HS3ST4: variants seen among roughly 807,000 people sequenced by gnomAD.
The protein encoded by HS3ST4 is heparan sulfate glucosamine 3-O-sulfotransferase 4.
In HS3ST4, 17 loss-of-function variants were observed where a neutral mutation model predicts 29.2. The ratio of observed to expected loss-of-function variants is 0.58; its 90% CI spans 0.40 to 0.87. HS3ST4 has a LOEUF of 0.87. Ranked by LOEUF, HS3ST4 falls within the 40% of genes least tolerant of loss-of-function variation. The pLI, the probability that HS3ST4 is intolerant of heterozygous loss-of-function variation, is 0.00. For missense variants in HS3ST4, 627 were observed against 634.5 expected, an observed-to-expected ratio of 0.99 and a Z score of 0.13; for synonymous variants, 314 against 285.7, an observed-to-expected ratio of 1.10 and a Z score of -1.00.
chr16:25,972,554 A>C (rs757159264), intron 1 of HS3ST4, among the ~76,000 whole-genome samples: 1 of 152,224 alleles, frequency 6.6e-6, no homozygotes, highest in Non-Finnish European at 1.5e-5. Context: ...GTCTTTCCAC[A>C]TGAATATCTG....
intron 1 of HS3ST4, among the ~76,000 whole-genome samples, chr16:25,917,562 G>C (rs1404262084): frequency 6.6e-6 from 1 of 152,180 alleles, no homozygotes; most frequent in African/African-American, 2.4e-5. Context: ...GAAGCCTTAG[G>C]TGGACTATGT....
chr16:25,718,728 A>G (rs1375494570), intron 1 of HS3ST4, among the ~76,000 whole-genome samples: 1 of 152,202 alleles, frequency 6.6e-6, no homozygotes, highest in Non-Finnish European at 1.5e-5. Context: ...ATGTATAGAT[A>G]TCAGATAGGC....
intron 1 of HS3ST4, among the ~76,000 whole-genome samples, chr16:26,045,203 A>T (rs538517181): frequency 4.1e-4 from 63 of 152,250 alleles, no homozygotes; most frequent in African/African-American, 1.4e-3. Flanking sequence ...GTTACAAGAG[A>T]TGAAAAAGAA....
chr16:26,031,764 C>A lies in HS3ST4; in HGVS notation c.735-103848C>A, dbSNP rs1303685971. Among the ~76,000 whole-genome samples, 5 of 147,650 alleles carry A rather than the reference C, an allele frequency of 3.4e-5. No homozygotes were observed. In the Admixed American group the frequency reaches 3.4e-4, roughly 10 times the overall value. On this transcript the variant is annotated intron_variant, in intron 1 of 1. Coordinates refer to ENST00000331351, the MANE Select transcript of HS3ST4 (RefSeq NM_006040.3). The stretch of plus-strand genomic sequence containing the variant: ...CTTTATTAAAGATACTTTCCATAAA[C>A]AATCATGGTATTTCAGGCAGGACAT...
intron 1 of HS3ST4, among the ~76,000 whole-genome samples, chr16:25,762,669 T>A: frequency 6.6e-6 from 1 of 151,342 alleles, no homozygotes; most frequent in Non-Finnish European, 1.5e-5. Context: ...GAGGTTGAGA[T>A]CAGCCTGGGC....
intron 1 of HS3ST4, among the ~76,000 whole-genome samples, chr16:25,841,918 A>G (rs1967417250): frequency 6.6e-6 from 1 of 152,264 alleles, no homozygotes; most frequent in Admixed American, 6.5e-5. Flanking sequence ...ATAGAGGCTT[A>G]TAATCAGTAC....
intron 1 of HS3ST4, among the ~76,000 whole-genome samples, chr16:26,133,843 A>G (rs1189896162): frequency 6.6e-6 from 1 of 152,230 alleles, no homozygotes; most frequent in East Asian, 1.9e-4. Context: ...TGTCATCATA[A>G]CAAAGAGGTC....
chr16:25,936,392 C>T (rs1289121642), intron 1 of HS3ST4, among the ~76,000 whole-genome samples: 5 of 152,124 alleles, frequency 3.3e-5, no homozygotes, highest in East Asian at 1.9e-4. Flanking sequence ...CAAGTTAAAG[C>T]GCTAGAGAGA....
rs151066558 is a variant in HS3ST4 at position 26,058,672 on chromosome 16, T to C, written c.735-76940T>C. Among the ~76,000 whole-genome samples, 663 of 152,288 alleles carry C rather than the reference T, an allele frequency of 4.4e-3. 7 individuals are homozygous for C. Among genetic ancestry groups the C allele is most frequent in the African/African-American group, 0.015 (633 of 41,562 alleles). On this transcript the variant is annotated intron_variant, in intron 1 of 1. Transcript: ENST00000331351. ...TCTCCAGGGCAGAGGCAAATCTACT[T>C]GGCTAGAAATTGGTTCTGTTGTATC...
chr16:25,879,147 CTT>C (rs1967866708), intron 1 of HS3ST4, among the ~76,000 whole-genome samples: 1 of 152,128 alleles, frequency 6.6e-6, no homozygotes, highest in South Asian at 2.1e-4. Context: ...TCCAGTACTT[CTT>C]ATAAATCTGA....
At chr16:25,698,781 T>C (rs1596546835) in intron 1 of HS3ST4, among the ~76,000 whole-genome samples, 2 of 152,300 alleles carry the variant, frequency 1.3e-5, no homozygotes, top group East Asian at 1.9e-4. Flanking sequence ...CCAGTAATGA[T>C]TGGCTTTGCA....
chr16:25,747,600 A>G (rs1966693018), intron 1 of HS3ST4, among the ~76,000 whole-genome samples: 1 of 152,214 alleles, frequency 6.6e-6, no homozygotes, highest in South Asian at 2.1e-4. Flanking sequence ...TTTGCAGAGA[A>G]AACTGAAGCA....
At chr16:25,904,418 T>C (rs1968159669) in intron 1 of HS3ST4, among the ~76,000 whole-genome samples, 1 of 152,208 alleles carries the variant, frequency 6.6e-6, no homozygotes, top group African/African-American at 2.4e-5. Flanking sequence ...AAATAACAGG[T>C]GGCAACATTT....
At chr16:25,828,240 T>TTTTCTGTCTTTCTGTCTGTCTTTC (rs1238043007) in intron 1 of HS3ST4, among the ~76,000 whole-genome samples, 2 of 59,708 alleles carry the variant, frequency 3.3e-5, no homozygotes, top group African/African-American at 1.5e-4. Flanking sequence ...CTTTCTTTCT[T>TTTTCTGTCTTTCTGTCTGTCTTTC]TCTCTTTCTT....
rs73525847 is a variant in HS3ST4, at chr16:26,136,739, T to A, written c.*491T>A. 283 of 164,036 alleles carry A rather than the reference T, an allele frequency of 1.7e-3. 2 individuals carry two copies. Among genetic ancestry groups the A allele is most frequent in the African/African-American group, 6.5e-3 (272 of 41,634 alleles). 10.2% of individuals were successfully genotyped at this position (164,036 alleles called of 1,614,324 possible). On this transcript the variant is annotated 3_prime_UTR_variant, in exon 2 of 2. Coordinates refer to ENST00000331351, the MANE Select transcript of HS3ST4 (RefSeq NM_006040.3). ...TTGTGGCTGAGTGCTCCAGGACTCCTAGGGAGCAAGGTCCTCCCTCTAAGG... is the reference window on the plus strand; with the variant it reads ...TTGTGGCTGAGTGCTCCAGGACTCCAAGGGAGCAAGGTCCTCCCTCTAAGG...
At chr16:25,699,232 C>T (rs1966318745) in intron 1 of HS3ST4, among the ~76,000 whole-genome samples, 1 of 152,176 alleles carries the variant, frequency 6.6e-6, no homozygotes, top group Non-Finnish European at 1.5e-5. Context: ...AGAATCGTGG[C>T]TTACATGTGC....
chr16:25,956,191 C>T (rs1968730628), intron 1 of HS3ST4, among the ~76,000 whole-genome samples: 1 of 152,180 alleles, frequency 6.6e-6, no homozygotes, highest in Non-Finnish European at 1.5e-5. Flanking sequence ...ATCCTCTCGT[C>T]TTATTCTTCA....
chr16:26,110,841 A>G (rs984175333), intron 1 of HS3ST4, among the ~76,000 whole-genome samples: 1 of 151,988 alleles, frequency 6.6e-6, no homozygotes, highest in Non-Finnish European at 1.5e-5. Flanking sequence ...CACGCTCTCC[A>G]GCTACACCGG....
intron 1 of HS3ST4, among the ~76,000 whole-genome samples, chr16:25,937,103 G>A (rs1968524322): frequency 6.6e-6 from 1 of 152,118 alleles, no homozygotes; most frequent in South Asian, 2.1e-4. Flanking sequence ...AATCAATTAG[G>A]GACAAGGTCA....
Sources: gnomAD v4.1 joint callset for allele counts (sites outside exome capture counted in the v4.1 genomes callset) on GRCh38, gnomAD v4.1.1 for gene constraint, MANE v1.5 for transcripts, NCBI Gene and HGNC (gene_info 2026-07-23, HGNC 2026-07-21) for gene names.